Variants in MYO1A observed in about 807,000 individuals in gnomAD.
MYO1A encodes myosin IA.
MYO1A carries 127 observed loss-of-function variants against 138.5 expected under a neutral mutation model. The observed-to-expected ratio is 0.92, with a 90% confidence interval of 0.79 to 1.06. The LOEUF is 1.06. MYO1A is among the 50% of genes least tolerant of loss of function. MYO1A has a pLI of 0.00. For missense variants in MYO1A, 1,211 were observed against 1,288.8 expected, an observed-to-expected ratio of 0.94 and a Z score of 0.92; for synonymous variants, 477 against 497.5, an observed-to-expected ratio of 0.96 and a Z score of 0.55.
intron 22 of MYO1A, among the ~76,000 whole-genome samples, chr12:57,032,992 GAC>G (rs1013842382): frequency 6.6e-5 from 10 of 152,018 alleles, no homozygotes; most frequent in Non-Finnish European, 1.2e-4. Context: ...TGTGTGCTCT[GAC>G]ACACACACAT....
chr12:57,041,576 T>A, intron 12 of MYO1A, 79 bp from the exon 13 acceptor site: 1 of 1,244,764 alleles, frequency 8.0e-7, no homozygotes, highest in Non-Finnish European at 1.2e-6. Context: ...CGGATGGGGT[T>A]GGAGTAGGGG....
chr12:57,047,667 C>A lies in MYO1A; in HGVS notation c.285G>T (p.Gln95His), dbSNP rs766289728. ...YQSLRDRDRD[Q>H]CILITGESGS... is the part of the protein sequence containing the mutation. ...CACTCTCGCCTGTGATGAGGATACA[C>A]TGGTCTCGGTCCCTGTCCCTCAGTG... The change falls in exon 4 of 28, where the codon CAG becomes CAT. Residue 95 changes from glutamine to histidine, a missense_variant. Transcript: ENST00000300119. The A allele has an allele frequency of 7.7e-5, 124 of 1,614,116 alleles. No individual in the cohort carries two copies. Among genetic ancestry groups the A allele is most frequent in the Non-Finnish European group, 9.7e-5 (114 of 1,180,050 alleles).
intron 8 of MYO1A, 44 bp downstream of exon 8, chr12:57,046,508 C>T: frequency 6.7e-7 from 1 of 1,489,122 alleles, no homozygotes; most frequent in Non-Finnish European, 9.4e-7. Flanking sequence ...GGGGACTTTG[C>T]CATGTGTCAC....
In MYO1A at chr12:57,036,832, T is replaced by A. The variant is rs375730043; in HGVS notation, c.2214A>T (p.Lys738Asn). The A allele has an allele frequency of 1.1e-5, 17 of 1,614,128 alleles. No individual in the cohort carries two copies. Among genetic ancestry groups the A allele is most frequent in the Non-Finnish European group, 1.4e-5 (17 of 1,180,050 alleles). Residue 738 changes from lysine to asparagine, a missense_variant, in exon 21 of 28, where the codon AAA (lysine) becomes AAT (asparagine). Transcript: ENST00000300119. ...CGGATGCCTTTATCTTCCCATAGCA[T>A]TTCTTTTGCTGTAGAAAACATAGGA... The part of the protein sequence containing the change: ...SSWFRGNMQK[K>N]CYGKIKASVL...
intron 14 of MYO1A, among the ~76,000 whole-genome samples, chr12:57,040,146 C>T (rs2030793739): frequency 6.6e-6 from 1 of 152,104 alleles, no homozygotes; most frequent in South Asian, 2.1e-4. Context: ...TTAAAGAAAA[C>T]AAAATTAAAT....
At chr12:57,032,781 G>A (rs1475809464) in intron 22 of MYO1A, among the ~76,000 whole-genome samples, 1 of 152,174 alleles carries the variant, frequency 6.6e-6, no homozygotes, top group African/African-American at 2.4e-5. Flanking sequence ...GTAGGCTGTG[G>A]TAAGGAGTGA....
rs2031095120 is a variant in MYO1A at position 57,046,520 on chromosome 12, CATG to C, written c.640+29_640+31del. On this transcript the variant is annotated intron_variant, in intron 8 of 27. Transcript: ENST00000300119. The stretch of plus-strand genomic sequence containing the variant: ...GTTGGGGACTTTGCCATGTGTCACT[CATG>C]AGGACACTTTCCCCATGCAGGCACA... The C allele has an allele frequency of 3.8e-6, 6 of 1,565,994 alleles. No individual in the cohort carries two copies. In the East Asian group the frequency reaches 1.3e-4, roughly 35 times the overall value.
chr12:57,038,330 C>A (rs2030672449), intron 17 of MYO1A, 82 bp downstream of exon 17: 1 of 1,461,418 alleles, frequency 6.8e-7, no homozygotes, highest in African/African-American at 1.4e-5. Flanking sequence ...GAAGCACCCC[C>A]ACATGGACGT....
chr12:57,036,077 G>T (rs2030527358), intron 22 of MYO1A, among the ~76,000 whole-genome samples: 1 of 152,196 alleles, frequency 6.6e-6, no homozygotes. Context: ...CTGCCACAAG[G>T]TTGCCTGGAT....
chr12:57,030,990 G>T (rs763823580), intron 23 of MYO1A, 50 bp downstream of exon 23: 5 of 1,605,706 alleles, frequency 3.1e-6, no homozygotes, highest in Non-Finnish European at 4.3e-6. Context: ...AAATCAGGGG[G>T]AGGGAAAAAA....
Position 57,029,421 on chromosome 12 carries a change from C to G in MYO1A, c.2877+14G>C. 1 of 1,614,036 alleles carries G rather than the reference C, an allele frequency of 6.2e-7. No individual in the cohort carries two copies. The highest frequency in any genetic ancestry group is 1.1e-5 in the South Asian group (1 of 91,078). ...CTTCTCCAGTCCAAGGCTTGCCCCA[C>G]CCAGCTCTGATACCTCACTCAGATG... is the stretch of plus-strand genomic sequence containing the variant. On this transcript the variant is annotated intron_variant, in intron 26 of 27. Transcript: ENST00000300119.
rs1042488772 is a variant in MYO1A at position 57,050,046 on chromosome 12, C to T, written c.-180G>A. On this transcript the variant is annotated 5_prime_UTR_variant, in exon 1 of 28. Coordinates refer to ENST00000300119, the MANE Select transcript of MYO1A (RefSeq NM_005379.4). ...AGGAAGCTGGGAAAAAGGCTGCCCT[C>T]CTCTTGCCAGTGTCCACTCTTCTGA... The T allele has an allele frequency of 6.6e-6, 1 of 152,528 alleles. No individual in the cohort carries two copies. Among genetic ancestry groups the T allele is most frequent in the Admixed American group, 6.5e-5 (1 of 15,292 alleles). 9.4% of individuals were successfully genotyped at this position (152,528 alleles called of 1,614,324 possible).
Position 57,037,096 on chromosome 12 carries a change from G to A in MYO1A, c.2056-5C>T, listed in dbSNP as rs1172913745. The A allele has an allele frequency of 6.2e-7, 1 of 1,613,972 alleles. No homozygotes were observed. Among genetic ancestry groups the A allele is most frequent in the African/African-American group, 1.3e-5 (1 of 74,916 alleles). On this transcript the variant is annotated splice_polypyrimidine_tract_variant and splice_region_variant and intron_variant, in intron 19 of 27. Coordinates refer to ENST00000300119, the MANE Select transcript of MYO1A (RefSeq NM_005379.4). ...CTGTTCTTCGAGGTAGAAAAGCTGT[G>A]GAGAGGTGGAAGGGGGTGACAGAGA...
At chr12:57,029,339 G>A in intron 26 of MYO1A, 80 bp from the exon 27 acceptor site, 1 of 1,612,470 alleles carries the variant, frequency 6.2e-7, no homozygotes, top group East Asian at 2.2e-5. Context: ...AAGGCCCAGA[G>A]CGAAAGGTCT....
intron 27 of MYO1A, 95 bp from the exon 28 acceptor site, chr12:57,028,976 C>A: frequency 1.3e-6 from 2 of 1,594,808 alleles, no homozygotes; most frequent in South Asian, 2.2e-5. Flanking sequence ...AGTCAGAGGA[C>A]TTGAGGCCCC....
In MYO1A at chr12:57,038,540, C is replaced by G. The variant is rs1339991021; in HGVS notation, c.1632G>C (p.Arg544=). 3 of 1,614,042 alleles carry G rather than the reference C, an allele frequency of 1.9e-6. No homozygotes were observed. In the African/African-American group the frequency reaches 4.0e-5, roughly 22 times the overall value. ...TAGGATTGCCCTCAGGAAACAAGGACCGAAGGAGGGGGTGCTGGGCCTTCC... is the reference window on the plus strand; with the variant it reads ...TAGGATTGCCCTCAGGAAACAAGGAGCGAAGGAGGGGGTGCTGGGCCTTCC... ...AMWKAQHPLL[R]SLFPEGNPKQ... The change falls in exon 17 of 28, where the codon CGG becomes CGC. Residue 544 remains arginine (R), a synonymous_variant. Coordinates refer to ENST00000300119, the MANE Select transcript of MYO1A (RefSeq NM_005379.4).
intron 13 of MYO1A, 38 bp from the exon 14 acceptor site, chr12:57,041,326 G>C (rs200199219): frequency 5.6e-6 from 9 of 1,601,508 alleles, no homozygotes; most frequent in African/African-American, 1.3e-5. Context: ...CTCACTCCAA[G>C]ACTGTTTCTC....
At chr12:57,030,392 A>C in intron 23 of MYO1A, 76 bp from the exon 24 acceptor site, 2 of 1,158,166 alleles carry the variant, frequency 1.7e-6, no homozygotes, top group South Asian at 1.2e-5. Flanking sequence ...AGAAATATTG[A>C]CTAGAAGACA....
chr12:57,047,039 A>C (rs769603816), intron 6 of MYO1A, 22 bp downstream of exon 6: 1 of 1,613,950 alleles, frequency 6.2e-7, no homozygotes, highest in Non-Finnish European at 8.5e-7. Context: ...CTCTCTTCCC[A>C]GGTGGGGAGA....
Sources: gnomAD v4.1 joint callset for allele counts (sites outside exome capture counted in the v4.1 genomes callset) on GRCh38, gnomAD v4.1.1 for gene constraint, MANE v1.5 for transcripts, NCBI Gene and HGNC (gene_info 2026-07-23, HGNC 2026-07-21) for gene names.